SORCS2: variants seen among roughly 807,000 people sequenced by gnomAD.
SORCS2 encodes the protein sortilin related VPS10 domain containing receptor 2.
SORCS2 carries 100 observed loss-of-function variants against 141.6 expected under a neutral mutation model. That is an observed-to-expected ratio of 0.71 (90% confidence interval 0.60 to 0.83). The LOEUF (loss-of-function observed/expected upper bound fraction) is 0.83, where lower values mean the gene tolerates loss of function less well. Among genes scored for constraint, SORCS2 ranks in the 40% least tolerant of loss-of-function variants. SORCS2 has a pLI of 0.00. For synonymous variants in SORCS2, 789 were observed against 676.9 expected, an observed-to-expected ratio of 1.17 and a Z score of -2.57; for missense variants, 1,646 against 1,560.2, an observed-to-expected ratio of 1.05 and a Z score of -0.93.
intron 3 of SORCS2, among the ~76,000 whole-genome samples, chr4:7,543,871 TCCAGCCACCCACCCAC>T (rs1712991485): frequency 5.8e-5 from 4 of 68,662 alleles, no homozygotes; most frequent in Non-Finnish European, 9.1e-5. Flanking sequence ...CACCCATCCA[TCCAGCCACCCACCCAC>T]CCACCCATCC....
At chr4:7,293,813 A>G (rs1193793201) in intron 1 of SORCS2, among the ~76,000 whole-genome samples, 1 of 152,140 alleles carries the variant, frequency 6.6e-6, no homozygotes, top group Non-Finnish European at 1.5e-5. Flanking sequence ...GCATGCCTGC[A>G]TTGGCTTCTT....
intron 3 of SORCS2, among the ~76,000 whole-genome samples, chr4:7,624,960 T>G (rs755681320): frequency 1.3e-5 from 2 of 152,244 alleles, no homozygotes; most frequent in Non-Finnish European, 2.9e-5. Flanking sequence ...CACAAGATCA[T>G]TAATAAATCA....
intron 2 of SORCS2, among the ~76,000 whole-genome samples, chr4:7,427,814 G>A (rs1355332517): frequency 1.3e-5 from 2 of 151,782 alleles, no homozygotes; most frequent in African/African-American, 4.8e-5. Context: ...CCTTTCCTGA[G>A]GGCCCCTCCC....
At chr4:7,389,762 C>T (rs1723738902) in intron 1 of SORCS2, among the ~76,000 whole-genome samples, 1 of 152,122 alleles carries the variant, frequency 6.6e-6, no homozygotes, top group African/African-American at 2.4e-5. Context: ...TATGCAAATG[C>T]CTGCGGGGTG....
At position 7,734,774 on chromosome 4, in the gene SORCS2, A is replaced by G. The variant is rs186241845; in HGVS notation, c.3311+400A>G. On this transcript the variant is annotated intron_variant, in intron 25 of 26. Coordinates refer to ENST00000507866, the MANE Select transcript of SORCS2 (RefSeq NM_020777.3). Reference sequence around the variant, plus strand: ...CAGCCTCAGAACTGGGACCTGACCCAGGCCCGCCCACATCCCAGGGTTCCT... The same window carrying G: ...CAGCCTCAGAACTGGGACCTGACCCGGGCCCGCCCACATCCCAGGGTTCCT... Among the ~76,000 whole-genome samples the G allele has an allele frequency of 9.0e-4, 137 of 152,316 alleles. 1 individual carries two copies. Among genetic ancestry groups the G allele is most frequent in the African/African-American group, 3.1e-3 (128 of 41,566 alleles).
intron 1 of SORCS2, among the ~76,000 whole-genome samples, chr4:7,363,427 A>G (rs1277436040): frequency 6.9e-6 from 1 of 145,386 alleles, no homozygotes; most frequent in African/African-American, 2.8e-5. Context: ...GTGCATCACC[A>G]TTATCATCAC....
At chr4:7,359,587 G>A (rs1328540363) in intron 1 of SORCS2, among the ~76,000 whole-genome samples, 1 of 152,220 alleles carries the variant, frequency 6.6e-6, no homozygotes, top group Non-Finnish European at 1.5e-5. Flanking sequence ...AGGCCCCGTG[G>A]AGGTTCCAAC....
intron 1 of SORCS2, among the ~76,000 whole-genome samples, chr4:7,255,746 A>T (rs374702784): frequency 6.6e-6 from 1 of 151,970 alleles, no homozygotes; most frequent in Non-Finnish European, 1.5e-5. Flanking sequence ...TTATCTGTCC[A>T]CCTGCCACAG....
intron 4 of SORCS2, among the ~76,000 whole-genome samples, chr4:7,643,965 C>T (rs896152298): frequency 6.6e-6 from 1 of 152,168 alleles, no homozygotes; most frequent in African/African-American, 2.4e-5. Flanking sequence ...CAATGAGAAG[C>T]CCTCACTCAG....
At chr4:7,646,342 C>A (rs1000295705) in intron 4 of SORCS2, among the ~76,000 whole-genome samples, 1 of 152,186 alleles carries the variant, frequency 6.6e-6, no homozygotes, top group African/African-American at 2.4e-5. Flanking sequence ...TGGATTGTGT[C>A]CCCCAAAATT....
intron 2 of SORCS2, among the ~76,000 whole-genome samples, chr4:7,512,676 G>T (rs752396248): frequency 7.0e-6 from 1 of 142,056 alleles, no homozygotes; most frequent in African/African-American, 2.6e-5. Context: ...ACCCCTCCCC[G>T]CCCTGCTCAG....
At chr4:7,343,671 C>T (rs995197869) in intron 1 of SORCS2, among the ~76,000 whole-genome samples, 1 of 152,218 alleles carries the variant, frequency 6.6e-6, no homozygotes, top group South Asian at 2.1e-4. Context: ...TCAGTTTCCC[C>T]ATCTGGAAAA....
At chr4:7,598,354 C>T (rs992964401) in intron 3 of SORCS2, among the ~76,000 whole-genome samples, 4 of 152,154 alleles carry the variant, frequency 2.6e-5, no homozygotes, top group Admixed American at 6.5e-5. Context: ...AGAGAGGTTC[C>T]GTGCTTCTGA....
At chr4:7,244,488 A>T (rs1416893011) in intron 1 of SORCS2, among the ~76,000 whole-genome samples, 1 of 152,182 alleles carries the variant, frequency 6.6e-6, no homozygotes, top group Admixed American at 6.5e-5. Context: ...GCTGTTGCAT[A>T]TTAAGTGCAG....
At chr4:7,293,344 C>T (rs1463353262) in intron 1 of SORCS2, among the ~76,000 whole-genome samples, 2 of 152,040 alleles carry the variant, frequency 1.3e-5, no homozygotes, top group African/African-American at 4.8e-5. Context: ...ATGTCCCAGC[C>T]ACCACCTTTG....
At chr4:7,359,714 C>G (rs1721467047) in intron 1 of SORCS2, among the ~76,000 whole-genome samples, 1 of 152,198 alleles carries the variant, frequency 6.6e-6, no homozygotes, top group African/African-American at 2.4e-5. Context: ...TGAATGTATT[C>G]CATTCCGTGG....
chr4:7,446,726 T>A (rs56218914), intron 2 of SORCS2, among the ~76,000 whole-genome samples: 42,647 of 152,078 alleles, frequency 0.28, 6,116 homozygotes, highest in South Asian at 0.37. Context: ...GCACCCTAGT[T>A]TTAATGCCAG....
chr4:7,244,074 G>A (rs1194213058), intron 1 of SORCS2, among the ~76,000 whole-genome samples: 7 of 152,196 alleles, frequency 4.6e-5, no homozygotes, highest in African/African-American at 1.7e-4. Context: ...TTGACTCACT[G>A]CAGCCTTTCC....
chr4:7,246,233 C>A (rs1713072728), intron 1 of SORCS2, among the ~76,000 whole-genome samples: 1 of 152,238 alleles, frequency 6.6e-6, no homozygotes, highest in Non-Finnish European at 1.5e-5. Context: ...AACACATGTT[C>A]CCCTGGATTC....
Sources: allele counts gnomAD v4.1 joint callset (sites outside exome capture counted in the v4.1 genomes callset), GRCh38; gene constraint gnomAD v4.1.1; transcripts MANE v1.5; gene names NCBI Gene and HGNC (gene_info 2026-07-23, HGNC 2026-07-21).